Variants in SPATS2 observed in about 807,000 individuals in gnomAD.
SPATS2 encodes the protein spermatogenesis associated serine rich 2, also known as spermatogenesis-associated serine-rich protein 2.
SPATS2 carries 38 observed loss-of-function variants against 63.7 expected under a neutral mutation model. The ratio of observed to expected loss-of-function variants is 0.60; its 90% CI spans 0.46 to 0.78. The LOEUF (loss-of-function observed/expected upper bound fraction) is 0.78, where lower values mean the gene tolerates loss of function less well. Ranked by LOEUF, SPATS2 falls within the 30% of genes least tolerant of loss-of-function variation. The pLI, the probability that SPATS2 is intolerant of heterozygous loss-of-function variation, is 0.00. For synonymous variants in SPATS2, 207 were observed against 232.9 expected (o/e 0.89, Z 1.01); for missense variants, 588 against 666.2 (o/e 0.88, Z 1.29).
rs143864445 is a variant in SPATS2, at chr12:49,502,997, A to G, written c.839+2792A>G. The stretch of plus-strand genomic sequence containing the variant: ...TTTTTCCCCTTTCTGAACCTCTAGG[A>G]GGAAGCACCATGCCCTTTGCACTGC... On this transcript the variant is annotated intron_variant, in intron 9 of 13. Coordinates refer to ENST00000552918, the MANE Select transcript of SPATS2 (RefSeq NM_023071.4). 4.7e-4 allele frequency among the ~76,000 whole-genome samples: 72 copies of G among 152,330 alleles called. No homozygotes were observed. In the South Asian group the frequency reaches 0.012, roughly 26 times the overall value.
chr12:49,380,881 C>CTTTT (rs773377635), intron 2 of SPATS2, among the ~76,000 whole-genome samples: 1 of 136,194 alleles, frequency 7.3e-6, no homozygotes, highest in Non-Finnish European at 1.6e-5. Flanking sequence ...TATAGTAATT[C>CTTTT]TTTTTTTTTT....
intron 2 of SPATS2, among the ~76,000 whole-genome samples, chr12:49,459,489 C>T: frequency 6.6e-6 from 1 of 151,964 alleles, no homozygotes; most frequent in East Asian, 1.9e-4. Context: ...GCTGAGATTA[C>T]AGGCATGCAC....
chr12:49,460,316 TG>T (rs1370881751), intron 2 of SPATS2, among the ~76,000 whole-genome samples: 1 of 151,732 alleles, frequency 6.6e-6, no homozygotes, highest in Non-Finnish European at 1.5e-5. Flanking sequence ...TAGCTGGGCG[TG>T]GTGGTGCACG....
chr12:49,426,242 A>G (rs1012043416), intron 2 of SPATS2, among the ~76,000 whole-genome samples: 3 of 152,030 alleles, frequency 2.0e-5, no homozygotes, highest in Non-Finnish European at 2.9e-5. Flanking sequence ...ACAAAATGCA[A>G]AATCCTTAAG....
chr12:49,431,977 A>G (rs1459064150), intron 2 of SPATS2, among the ~76,000 whole-genome samples: 1 of 152,076 alleles, frequency 6.6e-6, no homozygotes, highest in East Asian at 1.9e-4. Context: ...CTGGGCAACA[A>G]AACAAGACCT....
At chr12:49,413,699 G>T (rs1944838515) in intron 2 of SPATS2, among the ~76,000 whole-genome samples, 6 of 152,102 alleles carry the variant, frequency 3.9e-5, no homozygotes, top group Admixed American at 2.6e-4. Flanking sequence ...ATCAGATCCA[G>T]GTATAAATAA....
intron 9 of SPATS2, among the ~76,000 whole-genome samples, chr12:49,501,671 G>A (rs1946569698): frequency 6.6e-6 from 1 of 152,152 alleles, no homozygotes; most frequent in Non-Finnish European, 1.5e-5. Context: ...CTGGAGTGGA[G>A]TGGCCCAATC....
At chr12:49,498,850 A>G (rs12310567) in intron 8 of SPATS2, among the ~76,000 whole-genome samples, 130 of 149,028 alleles carry the variant, frequency 8.7e-4, no homozygotes, top group African/African-American at 2.8e-3. Context: ...CTGGAGTGCA[A>G]TGGTGTGATT....
chr12:49,513,342 T>C (rs914032239), intron 9 of SPATS2, among the ~76,000 whole-genome samples: 1 of 152,154 alleles, frequency 6.6e-6, no homozygotes, highest in Non-Finnish European at 1.5e-5. Flanking sequence ...TTGAAGAAAG[T>C]TGGAACATTG....
rs1947026784 is a variant in SPATS2 at position 49,525,987 on chromosome 12, A to C, written c.1370A>C (p.Gln457Pro). 2 of 1,614,148 alleles carry C rather than the reference A, an allele frequency of 1.2e-6. No homozygotes were observed. Among genetic ancestry groups the C allele is most frequent in the African/African-American group, 1.3e-5 (1 of 74,946 alleles). Reference protein sequence around the residue: ...NRRGGQGYRPQGQKSNDPMNQ... With the variant: ...NRRGGQGYRPPGQKSNDPMNQ... ...CGAGGAGGACAGGGCTATAGGCCAC[A>C]AGGCCAAAAGTCCAATGACCCCATG... Residue 457 changes from glutamine to proline, a missense_variant, in exon 14 of 14, where the codon CAA becomes CCA. Coordinates refer to ENST00000552918, the MANE Select transcript of SPATS2 (RefSeq NM_023071.4).
chr12:49,447,219 TGCACCCA>T (rs1945528172), intron 2 of SPATS2, among the ~76,000 whole-genome samples: 1 of 152,114 alleles, frequency 6.6e-6, no homozygotes, highest in African/African-American at 2.4e-5. Context: ...CATGAACCAC[TGCACCCA>T]GACTGTTCTT....
intron 7 of SPATS2, among the ~76,000 whole-genome samples, chr12:49,495,254 C>T (rs1165516627): frequency 1.3e-5 from 2 of 151,994 alleles, no homozygotes; most frequent in African/African-American, 4.8e-5. Context: ...AGTGCAGTGG[C>T]GTGATTTCAG....
At chr12:49,385,352 A>G (rs1320437867) in intron 2 of SPATS2, among the ~76,000 whole-genome samples, 3 of 105,120 alleles carry the variant, frequency 2.9e-5, no homozygotes, top group African/African-American at 4.1e-5. Flanking sequence ...GCATGTAAGT[A>G]TATAAGTGTG....
chr12:49,475,706 T>A (rs989599804), intron 3 of SPATS2, among the ~76,000 whole-genome samples: 1 of 152,226 alleles, frequency 6.6e-6, no homozygotes, highest in Non-Finnish European at 1.5e-5. Flanking sequence ...CCTCCCAAAG[T>A]GCTGGGATTA....
At chr12:49,398,203 G>GAATA (rs1319819106) in intron 2 of SPATS2, among the ~76,000 whole-genome samples, 2 of 148,906 alleles carry the variant, frequency 1.3e-5, no homozygotes, top group African/African-American at 5.0e-5. Flanking sequence ...ATGAATGAAT[G>GAATA]AATAAGTAGT....
intron 13 of SPATS2, 93 bp downstream of exon 13, chr12:49,524,989 C>A: frequency 1.6e-6 from 2 of 1,245,806 alleles, no homozygotes; most frequent in South Asian, 1.4e-5. Context: ...ATCTTCCTCT[C>A]TATTCCCATT....
intron 2 of SPATS2, among the ~76,000 whole-genome samples, chr12:49,459,605 T>C (rs941995913): frequency 6.6e-5 from 10 of 151,492 alleles, no homozygotes; most frequent in Non-Finnish European, 1.3e-4. Flanking sequence ...GCCTTGGCCT[T>C]CCAAAGTGCT....
intron 2 of SPATS2, among the ~76,000 whole-genome samples, chr12:49,431,696 G>T (rs1344961395): frequency 6.6e-6 from 1 of 152,198 alleles, no homozygotes; most frequent in African/African-American, 2.4e-5. Flanking sequence ...GAATACATAG[G>T]TTTATACATT....
intron 2 of SPATS2, among the ~76,000 whole-genome samples, chr12:49,458,485 A>AC (rs1489450703): frequency 1.4e-5 from 2 of 147,612 alleles, no homozygotes; most frequent in Non-Finnish European, 3.0e-5. Flanking sequence ...AAGGAAAAGA[A>AC]AAAAAAAATA....
Sources: gnomAD v4.1 joint callset for allele counts (sites outside exome capture counted in the v4.1 genomes callset) on GRCh38, gnomAD v4.1.1 for gene constraint, MANE v1.5 for transcripts, NCBI Gene and HGNC (gene_info 2026-07-23, HGNC 2026-07-21) for gene names.